SNX6: variants seen among roughly 807,000 people sequenced by gnomAD.
SNX6 encodes the protein sorting nexin 6.
In SNX6, 34 loss-of-function variants were observed where a neutral mutation model predicts 63.0. The observed-to-expected ratio is 0.54, with a 90% CI of 0.41 to 0.72. The LOEUF (loss-of-function observed/expected upper bound fraction) is 0.72. Among genes scored for constraint, SNX6 ranks in the 30% least tolerant of loss-of-function variants. The pLI, the probability that SNX6 is intolerant of heterozygous loss-of-function variation, is 0.00. For synonymous variants in SNX6, 170 were observed against 164.2 expected (o/e 1.04, Z -0.27); for missense variants, 398 against 471.4 (o/e 0.84, Z 1.44).
intron 11 of SNX6, among the ~76,000 whole-genome samples, chr14:34,573,695 A>G (rs940245110): frequency 6.6e-6 from 1 of 151,772 alleles, no homozygotes; most frequent in African/African-American, 2.4e-5. Context: ...CTGGAATGCA[A>G]TGGCGCGGTC....
chr14:34,587,798 ATTTTTTTT>A (rs1168575667), intron 8 of SNX6, among the ~76,000 whole-genome samples: 17 of 107,078 alleles, frequency 1.6e-4, no homozygotes, highest in East Asian at 1.0e-3. Flanking sequence ...CGGTTGGCTA[ATTTTTTTT>A]TTTTTTTTTT....
intron 11 of SNX6, among the ~76,000 whole-genome samples, chr14:34,571,788 G>A (rs550508978): frequency 1.1e-4 from 17 of 152,166 alleles, no homozygotes; most frequent in East Asian, 1.9e-4. Context: ...GAATATTTGC[G>A]TTGTCAATTT....
chr14:34,566,194 T>C (rs1881175252), intron 13 of SNX6, among the ~76,000 whole-genome samples: 1 of 152,214 alleles, frequency 6.6e-6, no homozygotes, highest in African/African-American at 2.4e-5. Context: ...GACAGGGTTA[T>C]TAGACCAAGA....
At chr14:34,610,089 A>C (rs1225161585) in intron 2 of SNX6, among the ~76,000 whole-genome samples, 1 of 151,996 alleles carries the variant, frequency 6.6e-6, no homozygotes, top group Admixed American at 6.6e-5. Context: ...CATGTCTATA[A>C]TCCCAGCACT....
intron 8 of SNX6, among the ~76,000 whole-genome samples, chr14:34,590,952 G>C (rs1412874392): frequency 6.6e-6 from 1 of 152,102 alleles, no homozygotes; most frequent in Non-Finnish European, 1.5e-5. Flanking sequence ...AGTTTTTTGA[G>C]TTTCAAAGCC....
chr14:34,619,403 C>T (rs1216312242), intron 2 of SNX6, among the ~76,000 whole-genome samples: 2 of 151,196 alleles, frequency 1.3e-5, no homozygotes, highest in African/African-American at 2.4e-5. Context: ...GCCTCGGTAA[C>T]AGAACACAAC....
At chr14:34,605,545 A>C (rs1882982506) in intron 5 of SNX6, 51 bp downstream of exon 5, 1 of 1,445,288 alleles carries the variant, frequency 6.9e-7, no homozygotes, top group Non-Finnish European at 9.2e-7. Context: ...ACAATTAACA[A>C]AGGCAACAAC....
intron 2 of SNX6, among the ~76,000 whole-genome samples, chr14:34,616,124 T>G (rs1247222835): frequency 6.6e-6 from 1 of 151,908 alleles, no homozygotes; most frequent in Non-Finnish European, 1.5e-5. Context: ...CCCAGCTAAT[T>G]TTTGTATTTT....
At position 34,563,015 on chromosome 14, in the gene SNX6, C is replaced by G; in HGVS notation, c.*107G>C. ...AAGAGGAGTTGATGCACTTTTTCAG[C>G]TGCTTTTTGTTTGTTTCCAGTGAGC... On this transcript the variant is annotated 3_prime_UTR_variant, in exon 14 of 14. Coordinates refer to ENST00000362031, the MANE Select transcript of SNX6 (RefSeq NM_152233.4). 8.7e-7 allele frequency: 1 copy of G among 1,153,004 alleles called. No individual in the cohort carries two copies. The highest frequency in any genetic ancestry group is 2.1e-5 in the Admixed American group (1 of 47,096). The allele number at this position is 1,153,004 out of a possible 1,614,324, so 71.4% of individuals were successfully genotyped here.
At chr14:34,600,219 C>A (rs1415770460) in intron 6 of SNX6, among the ~76,000 whole-genome samples, 1 of 152,110 alleles carries the variant, frequency 6.6e-6, no homozygotes, top group Non-Finnish European at 1.5e-5. Context: ...CCGCCTCCCA[C>A]ATTCAAGTGA....
intron 13 of SNX6, among the ~76,000 whole-genome samples, chr14:34,565,244 A>C (rs28552616): frequency 0.024 from 3,694 of 151,546 alleles, 162 homozygotes; most frequent in African/African-American, 0.086. Flanking sequence ...CGCCCGGCTA[A>C]TTTTTTGTAT....
chr14:34,625,115 C>T (rs1460393504), intron 2 of SNX6, among the ~76,000 whole-genome samples: 1 of 152,002 alleles, frequency 6.6e-6, no homozygotes. Flanking sequence ...CAGGGTTTCA[C>T]TATGTTGGTC....
intron 8 of SNX6, among the ~76,000 whole-genome samples, chr14:34,587,923 G>C (rs1328562399): frequency 1.3e-5 from 2 of 150,678 alleles, no homozygotes; most frequent in Non-Finnish European, 2.9e-5. Context: ...TGATTCTCGT[G>C]CCTCAGCCTC....
chr14:34,563,393 C>CT (rs1881018703), intron 13 of SNX6, among the ~76,000 whole-genome samples: 1 of 151,944 alleles, frequency 6.6e-6, no homozygotes. Context: ...CCCATCTCTA[C>CT]TAAAAAATAC....
chr14:34,586,355 A>C (rs1566473948), intron 8 of SNX6, 50 bp from the exon 9 acceptor site: 1 of 1,210,826 alleles, frequency 8.3e-7, no homozygotes, highest in Non-Finnish European at 1.2e-6. Flanking sequence ...AGATTTAAAA[A>C]TACTTACTGA....
chr14:34,608,716 A>C (rs1883111849), intron 3 of SNX6, among the ~76,000 whole-genome samples: 1 of 152,198 alleles, frequency 6.6e-6, no homozygotes, highest in Admixed American at 6.6e-5. Context: ...TGTGCTCAAG[A>C]ACTGAAATCT....
intron 13 of SNX6, 135 bp downstream of exon 13, chr14:34,567,551 A>C: frequency 1.4e-6 from 1 of 738,240 alleles, no homozygotes; most frequent in South Asian, 1.9e-5. Context: ...TAATCTTGGA[A>C]AATGTAATTC....
chr14:34,602,453 T>C (rs1181871268), intron 6 of SNX6, among the ~76,000 whole-genome samples: 1 of 149,900 alleles, frequency 6.7e-6, no homozygotes, highest in Non-Finnish European at 1.5e-5. Context: ...TAGCTGGGCA[T>C]GGCGGCATGC....
chr14:34,605,809 C>A, intron 4 of SNX6, 92 bp from the exon 5 acceptor site: 1 of 1,455,010 alleles, frequency 6.9e-7, no homozygotes, highest in Admixed American at 2.5e-5. Flanking sequence ...TCTGGGAAAG[C>A]TAAGGGGATC....
Sources: gnomAD v4.1 joint callset for allele counts (sites outside exome capture counted in the v4.1 genomes callset) on GRCh38, gnomAD v4.1.1 for gene constraint, MANE v1.5 for transcripts, NCBI Gene and HGNC (gene_info 2026-07-23, HGNC 2026-07-21) for gene names.